Variants in FBRSL1 observed in about 807,000 individuals in gnomAD.
FBRSL1 encodes fibrosin like 1.
A neutral mutation model predicts 89.6 loss-of-function variants in FBRSL1; 51 were observed. The ratio of observed to expected loss-of-function variants is 0.57; its 90% CI spans 0.45 to 0.72. The LOEUF is 0.72. Among genes scored for constraint, FBRSL1 ranks in the 30% least tolerant of loss-of-function variants. The probability of loss-of-function intolerance (pLI) is 0.00; values close to 1 mark genes in which losing one functional copy is unlikely to be tolerated. For missense variants in FBRSL1, 1,618 were observed against 1,451.8 expected (o/e 1.11, Z -1.86); for synonymous variants, 779 against 681.1 (o/e 1.14, Z -2.24).
intron 5 of FBRSL1, among the ~76,000 whole-genome samples, chr12:132,556,519 C>T (rs1415657368): frequency 4.1e-5 from 5 of 122,440 alleles, no homozygotes; most frequent in African/African-American, 1.9e-4. Flanking sequence ...TCCTGTGGGA[C>T]GCTCCTCTCC....
intron 18 of FBRSL1, 121 bp downstream of exon 18, chr12:132,582,387 G>A (rs1195718428): frequency 1.7e-5 from 11 of 661,092 alleles, no homozygotes; most frequent in Non-Finnish European, 2.4e-5. Context: ...CTCCCTCACC[G>A]TTCCCCCTCC....
chr12:132,520,494 C>G (rs1413784787), intron 2 of FBRSL1, among the ~76,000 whole-genome samples: 1 of 152,206 alleles, frequency 6.6e-6, no homozygotes, highest in African/African-American at 2.4e-5. Flanking sequence ...AAGCCCCTGC[C>G]CTCCAAACGC....
intron 5 of FBRSL1, 87 bp downstream of exon 5, chr12:132,548,119 C>G (rs2037852392): frequency 6.8e-7 from 1 of 1,479,948 alleles, no homozygotes; most frequent in South Asian, 1.2e-5. Context: ...CCCTGGAGAC[C>G]AGGCAGAAGA....
rs781066357 is a variant in FBRSL1 at position 132,574,334 on chromosome 12, C to T, written c.1615C>T (p.Arg539Trp). The T allele has an allele frequency of 1.0e-4, 159 of 1,548,818 alleles. No individual in the cohort carries two copies. The highest frequency in any genetic ancestry group is 4.9e-5 in the East Asian group (2 of 40,840). Residue 539 changes from arginine (R) to tryptophan (W), a missense_variant, in exon 13 of 19, where the codon CGG becomes TGG. Physicochemically the swap from Arg to Trp is moderately radical, Grantham distance 101. Transcript: ENST00000680143. ...QKAPGVSDPYRAVVKKPGRWC... is the reference protein window; with the variant it reads ...QKAPGVSDPYWAVVKKPGRWC... ...GTCTCCACAGGTGTCTGACCCGTAC[C>T]GGGCGGTGGTCAAGGTGAGCACGTG...
chr12:132,508,704 G>A (rs1359820440), intron 2 of FBRSL1, among the ~76,000 whole-genome samples: 2 of 152,254 alleles, frequency 1.3e-5, no homozygotes, highest in African/African-American at 4.8e-5. Flanking sequence ...GTGTCTATAA[G>A]GAGGGGGTCC....
chr12:132,566,766 G>A (rs941979772), intron 5 of FBRSL1, among the ~76,000 whole-genome samples: 10 of 151,380 alleles, frequency 6.6e-5, no homozygotes, highest in African/African-American at 1.7e-4. Flanking sequence ...TTGGCCGGCC[G>A]CAGGCACATA....
chr12:132,570,639 T>C (rs2039947611), intron 8 of FBRSL1, 99 bp downstream of exon 8: 1 of 1,111,716 alleles, frequency 9.0e-7, no homozygotes, highest in African/African-American at 1.6e-5. Context: ...CCACCTGCTG[T>C]GGTCTCTGCG....
At chr12:132,490,942 C>T (rs1356828539) in intron 1 of FBRSL1, 81 bp downstream of exon 1, 3 of 1,086,018 alleles carry the variant, frequency 2.8e-6, no homozygotes, top group East Asian at 5.6e-5. Flanking sequence ...CCCGGGACCC[C>T]TGGGCTTGCG....
intron 4 of FBRSL1, among the ~76,000 whole-genome samples, chr12:132,536,156 G>A (rs2036717194): frequency 1.5e-5 from 1 of 67,924 alleles, no homozygotes; most frequent in South Asian, 3.8e-4. Flanking sequence ...GAGTGCACGT[G>A]TGCATGACTG....
At position 132,556,915 on chromosome 12, in the gene FBRSL1, A is replaced by G. The variant is rs552370538; in HGVS notation, c.645+8883A>G. On this transcript the variant is annotated intron_variant, in intron 5 of 18. Coordinates refer to ENST00000680143, the MANE Select transcript of FBRSL1 (RefSeq NM_001367871.1). ...TCCAGGCGTGAGAGGACACGGCCCA[A>G]TTCAAGGACACGTGCCCCGCGGAGT... is the stretch of plus-strand genomic sequence containing the variant. Among the ~76,000 whole-genome samples, 319 of 151,900 alleles carry G rather than the reference A, an allele frequency of 2.1e-3. 3 individuals carry two copies. Among genetic ancestry groups the G allele is most frequent in the African/African-American group, 7.2e-3 (299 of 41,372 alleles).
intron 14 of FBRSL1, among the ~76,000 whole-genome samples, chr12:132,575,266 C>T (rs549291763): frequency 3.9e-5 from 6 of 152,320 alleles, no homozygotes; most frequent in Non-Finnish European, 5.9e-5. Flanking sequence ...CTCGCTCTGT[C>T]GCCCAGGCTG....
At chr12:132,566,581 G>A (rs2039641599) in intron 5 of FBRSL1, among the ~76,000 whole-genome samples, 1 of 39,756 alleles carries the variant, frequency 2.5e-5, no homozygotes, top group Non-Finnish European at 4.2e-5. Flanking sequence ...AGGTGGTTGA[G>A]CGAGTTTCTC....
At chr12:132,507,940 G>A (rs1372523973) in intron 1 of FBRSL1, among the ~76,000 whole-genome samples, 1 of 152,088 alleles carries the variant, frequency 6.6e-6, no homozygotes, top group Non-Finnish European at 1.5e-5. Context: ...CTGAGCCCTG[G>A]GAAACTCCCA....
chr12:132,559,932 C>CCCCGCCCCGCCCGCGCT (rs1182308015), intron 5 of FBRSL1: 4 of 148,286 alleles, frequency 2.7e-5, no homozygotes, highest in Non-Finnish European at 6.0e-5. Flanking sequence ...CGCGCCCCGC[C>CCCCGCCCCGCCCGCGCT]CCCGCCCCGC....
intron 3 of FBRSL1, among the ~76,000 whole-genome samples, chr12:132,527,580 AGGGCTGCG>A (rs1311978696): frequency 6.9e-6 from 1 of 144,404 alleles, no homozygotes; most frequent in Non-Finnish European, 1.5e-5. Context: ...ATCCGAGTTG[AGGGCTGCG>A]GGGCTGCGGG....
At chr12:132,541,862 A>T (rs2037296533) in intron 4 of FBRSL1, among the ~76,000 whole-genome samples, 1 of 152,108 alleles carries the variant, frequency 6.6e-6, no homozygotes. Flanking sequence ...GCCCACAGCC[A>T]CTCATGCTTC....
chr12:132,511,348 T>C, intron 2 of FBRSL1: 1 of 985,652 alleles, frequency 1.0e-6, no homozygotes, highest in Non-Finnish European at 1.2e-6. Context: ...TTGACCTACA[T>C]GTGGTCGGGC....
intron 2 of FBRSL1, chr12:132,509,146 G>T (rs759400262): frequency 4.2e-6 from 5 of 1,177,456 alleles, no homozygotes; most frequent in Non-Finnish European, 5.3e-6. Flanking sequence ...AGGTGGACAC[G>T]TGCTCTTTCT....
rs2037833573 is a variant in FBRSL1, at chr12:132,547,907, C to T, written c.616-96C>T. The T allele has an allele frequency of 5.1e-6, 7 of 1,376,116 alleles. No individual in the cohort carries two copies. In the African/African-American group the frequency reaches 7.2e-5, roughly 14 times the overall value. 85.2% of individuals were successfully genotyped at this position (1,376,116 alleles called of 1,614,324 possible). ...CTCTCCTGGCAGCAGCCAGGGCCGC[C>T]CCACCCGTGCCCCTGCAGCCTGGCT... On this transcript the variant is annotated intron_variant, in intron 4 of 18. Transcript: ENST00000680143.
Sources: allele counts gnomAD v4.1 joint callset (sites outside exome capture counted in the v4.1 genomes callset), GRCh38; gene constraint gnomAD v4.1.1; transcripts MANE v1.5; gene names NCBI Gene and HGNC (gene_info 2026-07-23, HGNC 2026-07-21).